Variants in CCDC85C observed in about 807,000 individuals in gnomAD.
The protein encoded by CCDC85C is coiled-coil domain-containing protein 85C.
In CCDC85C, 18 loss-of-function variants were observed where a neutral mutation model predicts 38.3. The ratio of observed to expected loss-of-function variants is 0.47; its 90% confidence interval spans 0.33 to 0.70. CCDC85C has a LOEUF of 0.70. Among genes scored for constraint, CCDC85C ranks in the 30% least tolerant of loss-of-function variants. CCDC85C has a pLI of 0.03. For synonymous variants in CCDC85C, 264 were observed against 293.8 expected, an observed-to-expected ratio of 0.90 and a Z score of 1.04; for missense variants, 566 against 621.2, an observed-to-expected ratio of 0.91 and a Z score of 0.94.
At chr14:99,577,008 C>T (rs1395961956) in intron 1 of CCDC85C, among the ~76,000 whole-genome samples, 7 of 152,074 alleles carry the variant, frequency 4.6e-5, no homozygotes, top group Non-Finnish European at 1.0e-4. Context: ...CTGCCCTCCC[C>T]TCCCTGATCA....
At chr14:99,549,266 C>CT (rs1049521753) in intron 1 of CCDC85C, among the ~76,000 whole-genome samples, 4 of 152,200 alleles carry the variant, frequency 2.6e-5, no homozygotes, top group African/African-American at 9.7e-5. Flanking sequence ...AGAAAAGATG[C>CT]TGGAAACTCC....
Position 99,509,211 on chromosome 14 carries a change from C to T in CCDC85C, c.*6035G>A, listed in dbSNP as rs1897051563. 1 of 152,278 alleles carries T rather than the reference C, an allele frequency of 6.6e-6. No homozygotes were observed. The highest frequency in any genetic ancestry group is 2.4e-5 in the African/African-American group (1 of 41,446). 9.4% of individuals were successfully genotyped at this position (152,278 alleles called of 1,614,324 possible). On this transcript the variant is annotated 3_prime_UTR_variant, in exon 6 of 6. Transcript: ENST00000380243. ...CGTGGCTTTGTCCTCTCTATGTTCT[C>T]TGGAACCAGAAATGTTGCTCCTGTG...
intron 1 of CCDC85C, among the ~76,000 whole-genome samples, chr14:99,582,041 T>C (rs1468530276): frequency 6.6e-6 from 1 of 152,186 alleles, no homozygotes; most frequent in Non-Finnish European, 1.5e-5. Flanking sequence ...TTATGTGACC[T>C]AGTCTGAGCT....
chr14:99,529,668 T>C (rs1287386284), intron 2 of CCDC85C, among the ~76,000 whole-genome samples: 1 of 152,234 alleles, frequency 6.6e-6, no homozygotes, highest in Non-Finnish European at 1.5e-5. Flanking sequence ...CCTCCCAAAG[T>C]GCCGGGATTA....
In CCDC85C at chr14:99,572,299, C is replaced by T. The variant is rs556098004; in HGVS notation, c.793+30868G>A. 4.3e-4 allele frequency among the ~76,000 whole-genome samples: 65 copies of T among 152,184 alleles called. No individual in the cohort carries two copies. Among genetic ancestry groups the T allele is most frequent in the Non-Finnish European group, 1.8e-4 (12 of 68,020 alleles). On this transcript the variant is annotated intron_variant, in intron 1 of 5. Coordinates refer to ENST00000380243, the MANE Select transcript of CCDC85C (RefSeq NM_001144995.2). This position sits in a 1 kb window ranked among gnomAD's most constrained non-coding sequence, Gnocchi z 4.4. ...GATGGGTCTTTTCATGCCATCACTG[C>T]CGTCTCCTCCCCGCTACTTTCCCCA...
chr14:99,580,387 T>C (rs1432236825), intron 1 of CCDC85C, among the ~76,000 whole-genome samples: 1 of 146,168 alleles, frequency 6.8e-6, no homozygotes, highest in Non-Finnish European at 1.5e-5. Flanking sequence ...GGAGGGGCTT[T>C]TGGACACTGA....
intron 1 of CCDC85C, among the ~76,000 whole-genome samples, chr14:99,579,602 CCAG>C (rs914647787): frequency 6.6e-6 from 1 of 152,250 alleles, no homozygotes; most frequent in Non-Finnish European, 1.5e-5. Context: ...CCCAGACAGC[CCAG>C]GCAAGAAACC....
rs2055085844 is a variant in CCDC85C at position 99,591,470 on chromosome 14, G to A, written c.793+11697C>T. On this transcript the variant is annotated intron_variant, in intron 1 of 5. Coordinates refer to ENST00000380243, the MANE Select transcript of CCDC85C (RefSeq NM_001144995.2). The stretch of plus-strand genomic sequence containing the variant: ...CGGCTCCCACGGATGCTGAGTGCGC[G>A]AGGGCTGCAGGTCCCACATCCTGTA... 4.6e-5 allele frequency among the ~76,000 whole-genome samples: 7 copies of A among 152,312 alleles called. No individual in the cohort carries two copies. In the South Asian group the frequency reaches 1.4e-3, roughly 32 times the overall value.
In CCDC85C at chr14:99,603,142, G is replaced by T; in HGVS notation, c.793+25C>A. Reference sequence around the variant, plus strand: ...AAGGGCTGCAGCCAGGGAGACCCGCGCTGCCCGGCCCGTGTAGTCCTTACC... The same window carrying T: ...AAGGGCTGCAGCCAGGGAGACCCGCTCTGCCCGGCCCGTGTAGTCCTTACC... On this transcript the variant is annotated intron_variant, in intron 1 of 5. Transcript: ENST00000380243. The surrounding 1 kb of genome is among the most constrained non-coding windows in gnomAD (Gnocchi z 7.5). 2 of 1,304,994 alleles carry T rather than the reference G, an allele frequency of 1.5e-6. No homozygotes were observed. Among genetic ancestry groups the T allele is most frequent in the Non-Finnish European group, 1.9e-6 (2 of 1,026,628 alleles). The allele number at this position is 1,304,994 out of a possible 1,614,324, so 80.8% of individuals were successfully genotyped here. A position where few individuals can be genotyped will look rare whatever the true frequency, so the allele number is the denominator to read the frequency against.
intron 1 of CCDC85C, among the ~76,000 whole-genome samples, chr14:99,580,697 T>A (rs1310376566): frequency 1.3e-5 from 2 of 151,920 alleles, no homozygotes; most frequent in African/African-American, 4.8e-5. Context: ...AAACCCCACC[T>A]CTGCTAAAAT....
At chr14:99,564,192 G>C (rs1257702538) in intron 1 of CCDC85C, among the ~76,000 whole-genome samples, 4 of 152,214 alleles carry the variant, frequency 2.6e-5, no homozygotes, top group Non-Finnish European at 5.9e-5. Context: ...TTTGTTGTTT[G>C]TTCTGCGCAG....
chr14:99,548,603 C>T lies in CCDC85C; in HGVS notation c.794-12515G>A, dbSNP rs1897849464. Among the ~76,000 whole-genome samples the T allele has an allele frequency of 6.6e-6, 1 of 151,598 alleles. No homozygotes were observed. The highest frequency in any genetic ancestry group is 6.6e-5 in the Admixed American group (1 of 15,176). On this transcript the variant is annotated intron_variant, in intron 1 of 5. Coordinates refer to ENST00000380243, the MANE Select transcript of CCDC85C (RefSeq NM_001144995.2). The surrounding 1 kb of genome is among the most constrained non-coding windows in gnomAD (Gnocchi z 4.9). ...CTGTAAACCACCCAAATGCCCTCCC[C>T]AGGAGACCAGACAAATTGTCGTTTA...
intron 1 of CCDC85C, among the ~76,000 whole-genome samples, chr14:99,553,374 T>G: frequency 6.6e-6 from 1 of 152,058 alleles, no homozygotes. Flanking sequence ...TTTTTGTTTG[T>G]TTGTTTTTGA....
chr14:99,603,106 C>A lies in CCDC85C; in HGVS notation c.793+61G>T. 1 of 1,279,318 alleles carries A rather than the reference C, an allele frequency of 7.8e-7. No homozygotes were observed. Among genetic ancestry groups the A allele is most frequent in the Non-Finnish European group, 9.9e-7 (1 of 1,012,366 alleles). The allele number at this position is 1,279,318 out of a possible 1,614,324, so 79.2% of individuals were successfully genotyped here. A position where few individuals can be genotyped will look rare whatever the true frequency, so the allele number is the denominator to read the frequency against. On this transcript the variant is annotated intron_variant, in intron 1 of 5. Transcript: ENST00000380243. This position sits in a 1 kb window ranked among gnomAD's most constrained non-coding sequence, Gnocchi z 7.5. ...AGCCAGGGACCACCTCCTCTCGCCG[C>A]AGCCTGGGAAAAGGGCTGCAGCCAG...
intron 1 of CCDC85C, among the ~76,000 whole-genome samples, chr14:99,565,752 A>G (rs1898203874): frequency 6.6e-6 from 1 of 152,136 alleles, no homozygotes; most frequent in Non-Finnish European, 1.5e-5. Context: ...GGGTTCATGG[A>G]AGAGTCTATA....
rs569580902 is a variant in CCDC85C, at chr14:99,575,392, G to A, written c.793+27775C>T. On this transcript the variant is annotated intron_variant, in intron 1 of 5. Coordinates refer to ENST00000380243, the MANE Select transcript of CCDC85C (RefSeq NM_001144995.2). ...CATCCAGAGCTCAGCTGGCACCAGC[G>A]CCCAGCAATCACTCAGCGACCCTCA... Among the ~76,000 whole-genome samples the A allele has an allele frequency of 5.9e-5, 9 of 152,240 alleles. No homozygotes were observed. In the South Asian group the frequency reaches 1.0e-3, roughly 18 times the overall value.
intron 1 of CCDC85C, among the ~76,000 whole-genome samples, chr14:99,568,846 T>G (rs1223235054): frequency 6.6e-6 from 1 of 152,208 alleles, no homozygotes; most frequent in Admixed American, 6.5e-5. Context: ...ATCAACAATG[T>G]GGAGAGTCAG....
At position 99,505,152 on chromosome 14, in the gene CCDC85C, CTA is replaced by C. The variant is rs1410481765; in HGVS notation, c.*10092_*10093del. 2 of 152,272 alleles carry C rather than the reference CTA, an allele frequency of 1.3e-5. No individual in the cohort carries two copies. The highest frequency in any genetic ancestry group is 4.8e-5 in the African/African-American group (2 of 41,446). The allele number at this position is 152,272 out of a possible 1,614,324, so 9.4% of individuals were successfully genotyped here. ...AGATTTAGCAGGGGAATGGCAGAGT[CTA>C]AATTCATTTGAGAAGGAGTCCCCTG... On this transcript the variant is annotated 3_prime_UTR_variant, in exon 6 of 6. Coordinates refer to ENST00000380243, the MANE Select transcript of CCDC85C (RefSeq NM_001144995.2).
At position 99,503,931 on chromosome 14, in the gene CCDC85C, A is replaced by G. The variant is rs1259450020; in HGVS notation, c.*11315T>C. Reference sequence around the variant, plus strand: ...TGGCTGTAGGAGAACTGTTGCTGCAATTTTATTTTTAGAGACTATTTACCC... The same window carrying G: ...TGGCTGTAGGAGAACTGTTGCTGCAGTTTTATTTTTAGAGACTATTTACCC... On this transcript the variant is annotated 3_prime_UTR_variant, in exon 6 of 6. Transcript: ENST00000380243. 2 of 429,080 alleles carry G rather than the reference A, an allele frequency of 4.7e-6. No homozygotes were observed. Among genetic ancestry groups the G allele is most frequent in the Non-Finnish European group, 8.4e-6 (2 of 236,780 alleles). 26.6% of individuals were successfully genotyped at this position (429,080 alleles called of 1,614,324 possible).
Sources: gnomAD v4.1 joint callset for allele counts (sites outside exome capture counted in the v4.1 genomes callset) on GRCh38, gnomAD v4.1.1 for gene constraint, Gnocchi (gnomAD v3.1) non-coding constraint, MANE v1.5 for transcripts, NCBI Gene and HGNC (gene_info 2026-07-23, HGNC 2026-07-21) for gene names.